TECPR2: variants seen among roughly 807,000 people sequenced by gnomAD.
TECPR2 encodes the protein tectonin beta-propeller repeat-containing protein 2.
A neutral mutation model predicts 138.1 loss-of-function variants in TECPR2; 65 were observed. The observed-to-expected ratio is 0.47, with a 90% CI of 0.39 to 0.58. The LOEUF is 0.58. Among genes scored for constraint, TECPR2 ranks in the 20% least tolerant of loss-of-function variants. TECPR2 has a pLI of 0.00. For missense variants in TECPR2, 1,553 were observed against 1,824.5 expected, an observed-to-expected ratio of 0.85 and a Z score of 2.71; for synonymous variants, 746 against 749.8, an observed-to-expected ratio of 0.99 and a Z score of 0.08.
rs1304002702 is a variant in TECPR2 at position 102,443,303 on chromosome 14, A to G, written c.2753-344A>G. On this transcript the variant is annotated intron_variant, in intron 11 of 19. Transcript: ENST00000359520. This position sits in a 1 kb window ranked among gnomAD's most constrained non-coding sequence, Gnocchi z 4.9. Reference sequence around the variant, plus strand: ...TCAAAGAGTGTCTAAAACTGTTTTCAGATAGATGTTACATTTAGGCAGAAT... The same window carrying G: ...TCAAAGAGTGTCTAAAACTGTTTTCGGATAGATGTTACATTTAGGCAGAAT... Among the ~76,000 whole-genome samples, 1 of 152,186 alleles carries G rather than the reference A, an allele frequency of 6.6e-6. No individual in the cohort carries two copies. Among genetic ancestry groups the G allele is most frequent in the African/African-American group, 2.4e-5 (1 of 41,438 alleles).
Position 102,452,453 on chromosome 14 carries a change from G to T in TECPR2, c.3466G>T (p.Ala1156Ser), listed in dbSNP as rs200844941. Reference sequence around the variant, plus strand: ...CCTGTGCAGCGTCAGCGCCCAGAGCGCACAGTCGCGGCCCTCCACGGTGCA... The same window carrying T: ...CCTGTGCAGCGTCAGCGCCCAGAGCTCACAGTCGCGGCCCTCCACGGTGCA... ...KDLCSVSAQSAQSRPSTVQLP... is the reference protein window; with the variant it reads ...KDLCSVSAQSSQSRPSTVQLP... Residue 1156 changes from alanine to serine, a missense_variant, in exon 16 of 20, where the codon GCA (alanine) becomes TCA (serine). Ala to Ser is a moderately conservative substitution (Grantham distance 99). Transcript: ENST00000359520. The T allele has an allele frequency of 3.1e-6, 5 of 1,613,684 alleles. No individual in the cohort carries two copies. The highest frequency in any genetic ancestry group is 1.7e-5 in the Admixed American group (1 of 60,012).
At chr14:102,369,846 T>C (rs1486317680) in intron 1 of TECPR2, among the ~76,000 whole-genome samples, 1 of 151,656 alleles carries the variant, frequency 6.6e-6, no homozygotes, top group Non-Finnish European at 1.5e-5. Flanking sequence ...TAGTCCCAGC[T>C]ACTCAGGAGG....
chr14:102,368,538 G>C (rs568333331), intron 1 of TECPR2, among the ~76,000 whole-genome samples: 1 of 151,546 alleles, frequency 6.6e-6, no homozygotes, highest in Non-Finnish European at 1.5e-5. Flanking sequence ...TGAGTTATAA[G>C]AGCTCTTTAT....
At chr14:102,399,808 T>G (rs1050790744) in intron 2 of TECPR2, among the ~76,000 whole-genome samples, 3 of 147,274 alleles carry the variant, frequency 2.0e-5, no homozygotes, top group African/African-American at 7.5e-5. Context: ...TCCAGCCTGG[T>G]GACAGAGCAA....
chr14:102,383,183 C>A (rs1181695488), intron 2 of TECPR2, among the ~76,000 whole-genome samples: 2 of 152,224 alleles, frequency 1.3e-5, no homozygotes, highest in Non-Finnish European at 2.9e-5. Context: ...ATCATTACCC[C>A]TCCCCAAGGT....
At chr14:102,480,841 G>GTTTTTTTTTTTT (rs71119706) in intron 17 of TECPR2, among the ~76,000 whole-genome samples, 1 of 75,212 alleles carries the variant, frequency 1.3e-5, no homozygotes, top group Non-Finnish European at 2.3e-5. Flanking sequence ...TTGGTTTTGG[G>GTTTTTTTTTTTT]TTTTTTTTTT....
chr14:102,375,288 G>T (rs1423313704), intron 1 of TECPR2, among the ~76,000 whole-genome samples: 1 of 152,162 alleles, frequency 6.6e-6, no homozygotes, highest in Admixed American at 6.6e-5. Context: ...TGAGGCGTCA[G>T]TGAGTCATGA....
rs1889595237 is a variant in TECPR2 at position 102,434,376 on chromosome 14, G to A, written c.1559G>A (p.Ser520Asn). Reference sequence around the variant, plus strand: ...CTGGGCAGTAGCGTGGATCAGTTAAGTGCAGAGTCTCCAGACCAGGAAAGC... The same window carrying A: ...CTGGGCAGTAGCGTGGATCAGTTAAATGCAGAGTCTCCAGACCAGGAAAGC... ...SVLGSSVDQL[S>N]AESPDQESSF... The change falls in exon 9 of 20, where the codon AGT (serine) becomes AAT (asparagine). Residue 520 changes from serine (S) to asparagine (N), a missense_variant. By Grantham distance (46) the Ser-to-Asn change is conservative. Transcript: ENST00000359520. 6.5e-7 allele frequency: 1 copy of A among 1,530,376 alleles called. No homozygotes were observed. The highest frequency in any genetic ancestry group is 1.8e-4 in the Middle Eastern group (1 of 5,692). The allele number at this position is 1,530,376 out of a possible 1,614,324, so 94.8% of individuals were successfully genotyped here. A position where few individuals can be genotyped will look rare whatever the true frequency, so the allele number is the denominator to read the frequency against.
rs1258147102 is a variant in TECPR2, at chr14:102,419,232, C to T, written c.638+4439C>T. ...AGACCGGGGGCTGAGGCAGCTTCGACGGGCCTGAGTCTGTAGCATGGAGGC... is the reference window on the plus strand; with the variant it reads ...AGACCGGGGGCTGAGGCAGCTTCGATGGGCCTGAGTCTGTAGCATGGAGGC... On this transcript the variant is annotated intron_variant, in intron 5 of 19. Transcript: ENST00000359520. The surrounding 1 kb of genome is among the most constrained non-coding windows in gnomAD (Gnocchi z 4.8). 2.0e-5 allele frequency among the ~76,000 whole-genome samples: 3 copies of T among 152,032 alleles called. No homozygotes were observed. Among genetic ancestry groups the T allele is most frequent in the South Asian group, 2.1e-4 (1 of 4,822 alleles).
chr14:102,404,721 C>T (rs983175492), intron 2 of TECPR2, among the ~76,000 whole-genome samples: 4 of 151,586 alleles, frequency 2.6e-5, no homozygotes, highest in African/African-American at 7.3e-5. Flanking sequence ...GGACTACAGG[C>T]GTGTGGCACC....
intron 10 of TECPR2, 22 bp downstream of exon 10, chr14:102,438,227 TCCCGCTCCCTGC>T: frequency 1.2e-6 from 1 of 865,542 alleles, no homozygotes; most frequent in Non-Finnish European, 1.7e-6. Context: ...CGCTCCCTGC[TCCCGCTCCCTGC>T]TCCCGCTCGC....
chr14:102,499,301 G>T lies in TECPR2; in HGVS notation c.*1044G>T, dbSNP rs552939228. 3.2e-6 allele frequency: 2 copies of T among 623,424 alleles called. No individual in the cohort carries two copies. Among genetic ancestry groups the T allele is most frequent in the Non-Finnish European group, 5.8e-6 (2 of 342,506 alleles). The allele number at this position is 623,424 out of a possible 1,614,324, so 38.6% of individuals were successfully genotyped here. ...AAAACCAGATGCATCCTCAGAGGAC[G>T]AGTCTACTAATTATTGCCTTTGTTG... On this transcript the variant is annotated 3_prime_UTR_variant, in exon 20 of 20. Transcript: ENST00000359520.
intron 16 of TECPR2, among the ~76,000 whole-genome samples, chr14:102,463,416 C>CAA (rs550694466): frequency 0.015 from 542 of 36,076 alleles, 3 homozygotes; most frequent in Non-Finnish European, 0.018. Context: ...GACTCCGTCT[C>CAA]AAAAAAAAAA....
At chr14:102,442,302 C>T (rs773344663) in intron 11 of TECPR2, among the ~76,000 whole-genome samples, 10 of 152,330 alleles carry the variant, frequency 6.6e-5, no homozygotes, top group South Asian at 2.1e-4. Context: ...TGCTGTGAGT[C>T]GTCAGCTGGG....
chr14:102,471,207 C>T (rs1261279602), intron 17 of TECPR2, among the ~76,000 whole-genome samples: 1 of 152,102 alleles, frequency 6.6e-6, no homozygotes, highest in Non-Finnish European at 1.5e-5. Context: ...CCACCTCGGC[C>T]TCCCAAAGTG....
chr14:102,427,541 C>T (rs1049087334), intron 6 of TECPR2, among the ~76,000 whole-genome samples: 1 of 152,202 alleles, frequency 6.6e-6, no homozygotes, highest in African/African-American at 2.4e-5. Context: ...TCTTTATTTG[C>T]ACTGTCTACA....
intron 6 of TECPR2, among the ~76,000 whole-genome samples, chr14:102,427,895 T>A (rs1023895375): frequency 6.6e-6 from 1 of 152,046 alleles, no homozygotes; most frequent in South Asian, 2.1e-4. Context: ...CCAGCAAACA[T>A]GGATAGGAAA....
chr14:102,497,703 C>G lies in TECPR2; in HGVS notation c.4065C>G (p.Ser1355Arg). ...ACTACTGGAAGAAAATTCCCGGCAGCGTGTCGTGTTTCACAGGCAGGTGCC... is the reference window on the plus strand; with the variant it reads ...ACTACTGGAAGAAAATTCCCGGCAGGGTGTCGTGTTTCACAGGCAGGTGCC... Reference protein sequence around the residue: ...AGDYWKKIPGSVSCFTVTASD... With the variant: ...AGDYWKKIPGRVSCFTVTASD... Residue 1355 changes from serine to arginine, a missense_variant, in exon 19 of 20, where the codon AGC becomes AGG. Coordinates refer to ENST00000359520, the MANE Select transcript of TECPR2 (RefSeq NM_014844.5). The G allele has an allele frequency of 6.2e-7, 1 of 1,606,612 alleles. No homozygotes were observed. Among genetic ancestry groups the G allele is most frequent in the Admixed American group, 1.7e-5 (1 of 59,534 alleles).
At chr14:102,449,422 C>T (rs2139750882) in intron 13 of TECPR2, among the ~76,000 whole-genome samples, 1 of 152,338 alleles carries the variant, frequency 6.6e-6, no homozygotes, top group East Asian at 1.9e-4. Flanking sequence ...TACGAAGGAG[C>T]TGGAGTTAGC....
Sources: allele counts gnomAD v4.1 joint callset (sites outside exome capture counted in the v4.1 genomes callset), GRCh38; gene constraint gnomAD v4.1.1; non-coding constraint Gnocchi (gnomAD v3.1); transcripts MANE v1.5; gene names NCBI Gene and HGNC (gene_info 2026-07-23, HGNC 2026-07-21).